EPHB2: variants seen among roughly 807,000 people sequenced by gnomAD.
The protein encoded by EPHB2 is ephrin type-B receptor 2.
In EPHB2, 18 loss-of-function variants were observed where a neutral mutation model predicts 96.4. The observed-to-expected ratio is 0.19, with a 90% CI of 0.13 to 0.28. The LOEUF (loss-of-function observed/expected upper bound fraction) is 0.28. Ranked by LOEUF, EPHB2 falls within the 10% of genes least tolerant of loss-of-function variation. EPHB2 has a pLI of 1.00. For missense variants in EPHB2, 989 were observed against 1,355.4 expected (o/e 0.73, Z 4.25); for synonymous variants, 506 against 534.1 (o/e 0.95, Z 0.72).
rs138218377 is a variant in EPHB2 at position 22,886,916 on chromosome 1, G to A, written c.1428+4433G>A. On this transcript the variant is annotated intron_variant, in intron 6 of 15. Transcript: ENST00000374630. Reference sequence around the variant, plus strand: ...GCTGGGATTACAGGGGTGAGCCACCGCGCCCGGCCAGCAAAGTCTATATTT... The same window carrying A: ...GCTGGGATTACAGGGGTGAGCCACCACGCCCGGCCAGCAAAGTCTATATTT... Among the ~76,000 whole-genome samples the A allele has an allele frequency of 2.2e-3, 333 of 152,094 alleles. 3 individuals are homozygous for A. Among genetic ancestry groups the A allele is most frequent in the African/African-American group, 7.5e-3 (311 of 41,492 alleles).
In EPHB2 at chr1:22,913,945, G is replaced by T. The variant is rs1370817490; in HGVS notation, c.*375G>T. ...GTTTCTCTCCAACTCCCTCTGGGAA[G>T]GTGACCTGGCCAGAGCCAAGAAACA... is the stretch of plus-strand genomic sequence containing the variant. On this transcript the variant is annotated 3_prime_UTR_variant, in exon 16 of 16. Coordinates refer to ENST00000374630, the MANE Select transcript of EPHB2 (RefSeq NM_017449.5). This position sits in a 1 kb window ranked among gnomAD's most constrained non-coding sequence, Gnocchi z 4.1. 6.8e-7 allele frequency: 1 copy of T among 1,475,872 alleles called. No individual in the cohort carries two copies. Among genetic ancestry groups the T allele is most frequent in the Non-Finnish European group, 9.0e-7 (1 of 1,113,042 alleles). 91.4% of individuals were successfully genotyped at this position (1,475,872 alleles called of 1,614,324 possible).
chr1:22,895,506 A>C lies in EPHB2; in HGVS notation c.1626A>C (p.Pro542=). 6.2e-7 allele frequency: 1 copy of C among 1,614,166 alleles called. No homozygotes were observed. Among genetic ancestry groups the C allele is most frequent in the Non-Finnish European group, 8.5e-7 (1 of 1,180,034 alleles). Residue 542 remains proline (P), a synonymous_variant, in exon 8 of 16, where the codon CCA becomes CCC. Coordinates refer to ENST00000374630, the MANE Select transcript of EPHB2 (RefSeq NM_017449.5). The part of the protein sequence containing the change: ...EYQTSIQEKL[P]LIIGSSAAGL... ...AGACAAGCATCCAGGAGAAGTTGCC[A>C]CTCATCATCGGCTCCTCGGCCGCTG... is the stretch of plus-strand genomic sequence containing the variant.
At chr1:22,819,364 C>T (rs926505885) in intron 3 of EPHB2, among the ~76,000 whole-genome samples, 1 of 152,130 alleles carries the variant, frequency 6.6e-6, no homozygotes, top group African/African-American at 2.4e-5. Flanking sequence ...TGCCCCAAGA[C>T]TTCTTGTGAA....
At chr1:22,823,195 C>T (rs2148476634) in intron 3 of EPHB2, among the ~76,000 whole-genome samples, 1 of 152,356 alleles carries the variant, frequency 6.6e-6, no homozygotes, top group East Asian at 1.9e-4. Context: ...AACTGCCTCG[C>T]TCCTCTAAGT....
intron 1 of EPHB2, among the ~76,000 whole-genome samples, chr1:22,755,749 C>T (rs1644139303): frequency 6.6e-6 from 1 of 152,198 alleles, no homozygotes; most frequent in South Asian, 2.1e-4. Context: ...ATTAAATATT[C>T]ATAAATTACT....
intron 9 of EPHB2, among the ~76,000 whole-genome samples, chr1:22,901,045 A>C (rs1639732512): frequency 6.6e-6 from 1 of 152,252 alleles, no homozygotes; most frequent in South Asian, 2.1e-4. Context: ...GGAAGCCATC[A>C]AACCTCTCTG....
chr1:22,870,641 T>C (rs549067669), intron 5 of EPHB2, among the ~76,000 whole-genome samples: 11 of 152,230 alleles, frequency 7.2e-5, no homozygotes, highest in African/African-American at 2.4e-4. Context: ...ATTTCACTGA[T>C]CCCGGGCTTC....
In EPHB2 at chr1:22,918,677, G is replaced by C. The variant is rs1035492961; in HGVS notation, c.*5107G>C. On this transcript the variant is annotated 3_prime_UTR_variant, in exon 16 of 16. Transcript: ENST00000374630. This position sits in a 1 kb window ranked among gnomAD's most constrained non-coding sequence, Gnocchi z 4.2. ...TGCCATCAAACTTAAGGTGGAGAATGGTCTTGCAGCTGCCAGTTTTTCCTT... is the reference window on the plus strand; with the variant it reads ...TGCCATCAAACTTAAGGTGGAGAATCGTCTTGCAGCTGCCAGTTTTTCCTT... The C allele has an allele frequency of 7.9e-5, 12 of 152,324 alleles. No homozygotes were observed. The highest frequency in any genetic ancestry group is 2.9e-4 in the African/African-American group (12 of 41,568). 9.4% of individuals were successfully genotyped at this position (152,324 alleles called of 1,614,324 possible). A position where few individuals can be genotyped will look rare whatever the true frequency, so the allele number is the denominator to read the frequency against.
intron 1 of EPHB2, among the ~76,000 whole-genome samples, chr1:22,779,643 G>C (rs1644500966): frequency 6.6e-6 from 1 of 152,208 alleles, no homozygotes; most frequent in Admixed American, 6.5e-5. Flanking sequence ...GTGACTGAAA[G>C]TTTATAGGCT....
intron 3 of EPHB2, among the ~76,000 whole-genome samples, chr1:22,857,734 GCA>G (rs1217516331): frequency 6.6e-6 from 1 of 152,078 alleles, no homozygotes; most frequent in African/African-American, 2.4e-5. Context: ...ACCCAGACAG[GCA>G]CAGACTCAGC....
At chr1:22,804,020 C>T (rs1200175109) in intron 3 of EPHB2, among the ~76,000 whole-genome samples, 1 of 152,160 alleles carries the variant, frequency 6.6e-6, no homozygotes, top group Non-Finnish European at 1.5e-5. Context: ...ACATTCCATA[C>T]ACATCTTCAC....
chr1:22,748,102 T>C (rs1197171212), intron 1 of EPHB2, among the ~76,000 whole-genome samples: 1 of 152,220 alleles, frequency 6.6e-6, no homozygotes, highest in Non-Finnish European at 1.5e-5. Flanking sequence ...TCTCTGGCCT[T>C]AGTTTCCCCA....
At chr1:22,869,491 A>C (rs1638588683) in intron 5 of EPHB2, among the ~76,000 whole-genome samples, 1 of 151,932 alleles carries the variant, frequency 6.6e-6, no homozygotes, top group Admixed American at 6.6e-5. Context: ...GGGAATGAGC[A>C]AAGGGTATGT....
chr1:22,713,456 G>C (rs1373418791), intron 1 of EPHB2, among the ~76,000 whole-genome samples: 1 of 152,172 alleles, frequency 6.6e-6, no homozygotes, highest in Non-Finnish European at 1.5e-5. Context: ...CCCGTCTAGT[G>C]AGAGTGATGA....
intron 3 of EPHB2, among the ~76,000 whole-genome samples, chr1:22,823,363 C>T (rs757828980): frequency 4.6e-5 from 7 of 152,188 alleles, no homozygotes; most frequent in African/African-American, 7.2e-5. Flanking sequence ...CTGGGTTTGG[C>T]TTTCTCTTTA....
intron 1 of EPHB2, among the ~76,000 whole-genome samples, chr1:22,732,564 C>T (rs1175117459): frequency 6.6e-6 from 1 of 152,196 alleles, no homozygotes; most frequent in Non-Finnish European, 1.5e-5. Flanking sequence ...TACACACGCA[C>T]ACGAATGTCT....
chr1:22,773,287 T>C (rs764169194), intron 1 of EPHB2, among the ~76,000 whole-genome samples: 1 of 152,162 alleles, frequency 6.6e-6, no homozygotes. Context: ...ACTTGGACCA[T>C]GAAAAGAGTG....
At chr1:22,767,028 G>A (rs769136314) in intron 1 of EPHB2, among the ~76,000 whole-genome samples, 11 of 152,196 alleles carry the variant, frequency 7.2e-5, no homozygotes, top group Non-Finnish European at 1.2e-4. Context: ...GAACAAGGCC[G>A]GGTCTGCCAT....
At chr1:22,876,882 A>G (rs1029992905) in intron 5 of EPHB2, among the ~76,000 whole-genome samples, 3 of 152,172 alleles carry the variant, frequency 2.0e-5, no homozygotes, top group Non-Finnish European at 2.9e-5. Flanking sequence ...GCCTGGGGTT[A>G]CAGGGCTTAT....
Sources: gnomAD v4.1 joint callset for allele counts (sites outside exome capture counted in the v4.1 genomes callset) on GRCh38, gnomAD v4.1.1 for gene constraint, Gnocchi (gnomAD v3.1) non-coding constraint, MANE v1.5 for transcripts, NCBI Gene and HGNC (gene_info 2026-07-23, HGNC 2026-07-21) for gene names.